The following KDM3B variants were observed in gnomAD, a reference collection of about 807,000 sequenced individuals.
KDM3B encodes the protein lysine demethylase 3B, also known as lysine-specific demethylase 3B.
A neutral mutation model predicts 170.0 loss-of-function variants in KDM3B; 10 were observed. The ratio of observed to expected loss-of-function variants is 0.06; its 90% confidence interval spans 0.04 to 0.10. KDM3B has a LOEUF of 0.10. Ranked by LOEUF, KDM3B falls within the 10% of genes least tolerant of loss-of-function variation. The pLI, the probability that KDM3B is intolerant of heterozygous loss-of-function variation, is 1.00. For missense variants in KDM3B, 1,394 were observed against 2,195.2 expected (o/e 0.64, Z 7.29); for synonymous variants, 831 against 834.8 (o/e 1.00, Z 0.08).
At position 138,386,340 on chromosome 5, in the gene KDM3B, C is replaced by T; in HGVS notation, c.1099C>T (p.Leu367=). ...TTACACCAAAGAAAACGGCAGGACT[C>T]TGGTGGTGCAGGATGAGCCTGTAGG... The part of the protein sequence containing the change: ...ATYTKENGRT[L]VVQDEPVGGD... The change falls in exon 7 of 24, where the codon CTG becomes TTG. Residue 367 remains leucine, a synonymous_variant. Transcript: ENST00000314358. 2 of 1,614,210 alleles carry T rather than the reference C, an allele frequency of 1.2e-6. No homozygotes were observed. The highest frequency in any genetic ancestry group is 2.2e-5 in the South Asian group (2 of 91,084).
At chr5:138,367,123 G>A (rs1761765778) in intron 1 of KDM3B, among the ~76,000 whole-genome samples, 2 of 152,214 alleles carry the variant, frequency 1.3e-5, no homozygotes, top group South Asian at 4.1e-4. Flanking sequence ...TCCCAAGGCA[G>A]ATGACTTGTC....
intron 6 of KDM3B, among the ~76,000 whole-genome samples, chr5:138,382,846 CTG>C (rs1175682862): frequency 1.3e-5 from 2 of 152,166 alleles, no homozygotes; most frequent in Admixed American, 6.5e-5. Context: ...AGTCTCTTGA[CTG>C]TGTTTGCATG....
chr5:138,389,782 C>CTGTG (rs148405512), intron 7 of KDM3B, among the ~76,000 whole-genome samples: 3,038 of 143,456 alleles, frequency 0.021, 39 homozygotes, highest in South Asian at 0.054. Context: ...CTCTCTCTCT[C>CTGTG]TGTGTGTGTG....
intron 6 of KDM3B, among the ~76,000 whole-genome samples, chr5:138,382,078 G>C (rs971694117): frequency 4.0e-5 from 6 of 151,754 alleles, no homozygotes; most frequent in African/African-American, 1.5e-4. Context: ...CCAGTGCATT[G>C]GTTACTCCAT....
intron 16 of KDM3B, 152 bp downstream of exon 16, chr5:138,424,493 AAAGC>A: frequency 7.3e-6 from 7 of 962,486 alleles, no homozygotes; most frequent in Non-Finnish European, 1.1e-5. Flanking sequence ...TGGATTTTTA[AAAGC>A]AAGGAGATGG....
intron 20 of KDM3B, 94 bp downstream of exon 20, chr5:138,428,180 T>C (rs916122767): frequency 1.1e-4 from 118 of 1,033,254 alleles, no homozygotes; most frequent in Middle Eastern, 9.3e-4. Context: ...TGGCTTTTCC[T>C]TTTTTTTTTC....
chr5:138,398,885 T>G (rs1762608947), intron 10 of KDM3B, among the ~76,000 whole-genome samples: 1 of 141,382 alleles, frequency 7.1e-6, no homozygotes, highest in Non-Finnish European at 1.6e-5. Flanking sequence ...TATCCTAAAT[T>G]TCTTTTTTTT....
chr5:138,434,532 T>C (rs1763624881), intron 23 of KDM3B, among the ~76,000 whole-genome samples: 1 of 149,284 alleles, frequency 6.7e-6, no homozygotes, highest in African/African-American at 2.5e-5. Flanking sequence ...TGGGCAACAG[T>C]GTTAGACTCC....
chr5:138,432,826 G>A (rs1352510820), intron 23 of KDM3B, among the ~76,000 whole-genome samples: 1 of 148,890 alleles, frequency 6.7e-6, no homozygotes, highest in South Asian at 2.2e-4. Context: ...CTCACTGCAA[G>A]CTCCGCCTCC....
In KDM3B at chr5:138,427,062, C is replaced by G; in HGVS notation, c.4499C>G (p.Thr1500Ser). The stretch of plus-strand genomic sequence containing the variant: ...GAAGATTTTCGAGACATGATGCCAA[C>G]CAGGTTAGTGACCTGCAGTGGTGTC... ...PGEDFRDMMP[T>S]RFEDLMENLP... Residue 1500 changes from threonine (T) to serine (S), a missense_variant, in exon 18 of 24, where the codon ACC (threonine) becomes AGC (serine). Transcript: ENST00000314358. 1 of 1,613,686 alleles carries G rather than the reference C, an allele frequency of 6.2e-7. No homozygotes were observed. The highest frequency in any genetic ancestry group is 8.5e-7 in the Non-Finnish European group (1 of 1,179,616).
chr5:138,404,164 A>T (rs555729440), intron 11 of KDM3B, among the ~76,000 whole-genome samples: 1 of 152,244 alleles, frequency 6.6e-6, no homozygotes, highest in African/African-American at 2.4e-5. Flanking sequence ...ACATACAAGT[A>T]GAGTTTCAGA....
chr5:138,413,719 C>T (rs1176463418), intron 11 of KDM3B, among the ~76,000 whole-genome samples: 18 of 151,826 alleles, frequency 1.2e-4, no homozygotes, highest in Admixed American at 4.6e-4. Context: ...CTGCAGCCTC[C>T]GCCTCCCAGG....
rs757571338 is a variant in KDM3B at position 138,375,183 on chromosome 5, G to A, written c.451G>A (p.Ala151Thr). The A allele has an allele frequency of 6.2e-7, 1 of 1,612,534 alleles. No homozygotes were observed. Among genetic ancestry groups the A allele is most frequent in the East Asian group, 2.2e-5 (1 of 44,830 alleles). ...TCGAGAGCTTCGGTTCCTGTCAGAT[G>A]CCAATGGGTTGCATCTGTTTCAGGT... ...LDRELRFLSDANGLHLFQMGT... is the reference protein window; with the variant it reads ...LDRELRFLSDTNGLHLFQMGT... Residue 151 changes from alanine to threonine, a missense_variant, in exon 3 of 24, where the codon GCC becomes ACC. By Grantham distance (58) the Ala-to-Thr change is moderately conservative. Transcript: ENST00000314358.
chr5:138,425,867 A>G (rs1763378827), intron 17 of KDM3B: 1 of 238,862 alleles, frequency 4.2e-6, no homozygotes, highest in Non-Finnish European at 8.4e-6. Context: ...TTAGCTGGGT[A>G]TGGTGGTGTG....
chr5:138,430,965 C>G (rs1763516797), intron 22 of KDM3B, among the ~76,000 whole-genome samples: 1 of 152,196 alleles, frequency 6.6e-6, no homozygotes, highest in African/African-American at 2.4e-5. Flanking sequence ...TTGTAGCATA[C>G]TCTTCTTATC....
Position 138,421,075 on chromosome 5 carries a change from G to A in KDM3B, c.3972+113G>A, listed in dbSNP as rs903357597. The A allele has an allele frequency of 5.7e-6, 7 of 1,228,396 alleles. No homozygotes were observed. The African/African-American group carries it at 9.1e-5, about 16-fold the overall frequency. The allele number at this position is 1,228,396 out of a possible 1,614,324, so 76.1% of individuals were successfully genotyped here. ...TGATTTGTGTTCTCTACATTGTCAAGCTGACAAGGTCTCTCTTTAAAGTTT... is the reference window on the plus strand; with the variant it reads ...TGATTTGTGTTCTCTACATTGTCAAACTGACAAGGTCTCTCTTTAAAGTTT... On this transcript the variant is annotated intron_variant, in intron 15 of 23. Coordinates refer to ENST00000314358, the MANE Select transcript of KDM3B (RefSeq NM_016604.4).
chr5:138,400,704 A>G (rs1037628773), intron 11 of KDM3B, among the ~76,000 whole-genome samples: 3 of 151,984 alleles, frequency 2.0e-5, no homozygotes, highest in African/African-American at 7.3e-5. Context: ...AGCTATGATC[A>G]TACCACTGCA....
In KDM3B at chr5:138,391,000, A is replaced by G. The variant is rs556296786; in HGVS notation, c.1381-13A>G. On this transcript the variant is annotated splice_polypyrimidine_tract_variant and intron_variant, in intron 7 of 23. Coordinates refer to ENST00000314358, the MANE Select transcript of KDM3B (RefSeq NM_016604.4). ...GAAGCCAGCATCACTAATTCAGGCT[A>G]TCTTCCTTTCAGAATTCAAGAAATT... 6.5e-6 allele frequency: 10 copies of G among 1,534,700 alleles called. No individual in the cohort carries two copies. Among genetic ancestry groups the G allele is most frequent in the South Asian group, 1.3e-5 (1 of 78,206 alleles).
rs563973014 is a variant in KDM3B, at chr5:138,426,800, AC to A, written c.4412-172del. On this transcript the variant is annotated intron_variant, in intron 17 of 23. Transcript: ENST00000314358. Reference sequence around the variant, plus strand: ...CAGCTACTCAGGGAGAATCGCTTGAACCCGGGAGGCCAAGATCATGCCACTG... The same window carrying A: ...CAGCTACTCAGGGAGAATCGCTTGAACCGGGAGGCCAAGATCATGCCACTG... The A allele has an allele frequency of 9.9e-5, 52 of 524,114 alleles. 1 individual carries two copies. In the South Asian group the frequency reaches 1.1e-3, roughly 11 times the overall value. 32.5% of individuals were successfully genotyped at this position (524,114 alleles called of 1,614,324 possible).
Sources: allele counts gnomAD v4.1 joint callset (sites outside exome capture counted in the v4.1 genomes callset), GRCh38; gene constraint gnomAD v4.1.1; transcripts MANE v1.5; gene names NCBI Gene and HGNC (gene_info 2026-07-23, HGNC 2026-07-21).